Variants in RANBP2 observed in about 807,000 individuals in gnomAD.
RANBP2 encodes the protein E3 SUMO-protein ligase RanBP2.
Under a neutral mutation model 303.6 loss-of-function variants are expected in RANBP2, and 57 were observed. That is an observed-to-expected ratio of 0.19 (90% CI 0.15 to 0.23). RANBP2 has a LOEUF of 0.23. RANBP2 is among the 10% of genes least tolerant of loss of function. RANBP2 has a pLI of 1.00. For missense variants in RANBP2, 3,138 were observed against 3,780.8 expected (o/e 0.83, Z 4.46); for synonymous variants, 1,167 against 1,301.5 (o/e 0.90, Z 2.23).
the RANBP2 span, among the ~76,000 whole-genome samples, chr2:109,571,503 T>A: frequency 6.6e-6 from 1 of 152,206 alleles, no homozygotes; most frequent in Non-Finnish European, 1.5e-5. Flanking sequence ...TAAGTGTGTG[T>A]ATGTAGGCAA....
At chr2:109,584,751 G>A in the RANBP2 span, among the ~76,000 whole-genome samples, 1 of 152,106 alleles carries the variant, frequency 6.6e-6, no homozygotes, top group African/African-American at 2.4e-5. Flanking sequence ...CAAGCATCAT[G>A]TATTTGGCCA....
the RANBP2 span, among the ~76,000 whole-genome samples, chr2:109,388,922 A>G: frequency 6.6e-6 from 1 of 152,142 alleles, no homozygotes; most frequent in Non-Finnish European, 1.5e-5. Flanking sequence ...AGTGGTGAGG[A>G]GGTAGCAGGT....
chr2:109,600,312 C>G, the RANBP2 span, among the ~76,000 whole-genome samples: 1 of 152,074 alleles, frequency 6.6e-6, no homozygotes, highest in African/African-American at 2.4e-5. Context: ...GCAATACTAC[C>G]CCTGCCCCTC....
the RANBP2 span, among the ~76,000 whole-genome samples, chr2:109,419,122 G>C: frequency 2.6e-5 from 4 of 151,940 alleles, no homozygotes; most frequent in Admixed American, 6.6e-5. Context: ...TTTTCTTTAG[G>C]GATTAATCTC....
At chr2:109,513,810 G>A in the RANBP2 span, among the ~76,000 whole-genome samples, 1 of 152,148 alleles carries the variant, frequency 6.6e-6, no homozygotes, top group Non-Finnish European at 1.5e-5. Context: ...GGGGTGTAGG[G>A]GATTGGGTAT....
chr2:109,693,368 T>A, the RANBP2 span, among the ~76,000 whole-genome samples: 1 of 152,056 alleles, frequency 6.6e-6, no homozygotes, highest in East Asian at 1.9e-4. Flanking sequence ...GAGACGGGGT[T>A]TCACTGTGTG....
chr2:109,646,804 C>T, the RANBP2 span, among the ~76,000 whole-genome samples: 39 of 151,986 alleles, frequency 2.6e-4, no homozygotes, highest in African/African-American at 6.8e-4. Flanking sequence ...CTGCTCCCGG[C>T]CACAAATGGC....
At chr2:108,928,836 G>T in the RANBP2 span, among the ~76,000 whole-genome samples, 8 of 152,342 alleles carry the variant, frequency 5.3e-5, no homozygotes, top group East Asian at 1.2e-3. Context: ...GTGTTCCCAG[G>T]ATACTAAAAA....
the RANBP2 span, among the ~76,000 whole-genome samples, chr2:109,254,159 C>A: frequency 6.6e-6 from 1 of 152,122 alleles, no homozygotes; most frequent in African/African-American, 2.4e-5. Flanking sequence ...TAGAGGAAAA[C>A]ATGAAGAAAA....
the RANBP2 span, among the ~76,000 whole-genome samples, chr2:109,635,166 T>G: frequency 1.7e-4 from 26 of 152,122 alleles, no homozygotes; most frequent in African/African-American, 6.3e-4. Flanking sequence ...TTGGCATGTA[T>G]TATTTTGTTT....
the RANBP2 span, among the ~76,000 whole-genome samples, chr2:109,102,660 T>C: frequency 1.3e-5 from 2 of 152,070 alleles, no homozygotes; most frequent in African/African-American, 4.8e-5. Flanking sequence ...AAGCCTATCA[T>C]CTGTCAAAAC....
the RANBP2 span, among the ~76,000 whole-genome samples, chr2:109,466,242 C>T: frequency 6.6e-6 from 1 of 152,136 alleles, no homozygotes; most frequent in East Asian, 1.9e-4. Context: ...GCCACCACAC[C>T]CAGCTAATTT....
the RANBP2 span, among the ~76,000 whole-genome samples, chr2:109,463,431 C>G: frequency 4.6e-5 from 7 of 152,208 alleles, no homozygotes; most frequent in Non-Finnish European, 1.0e-4. Flanking sequence ...GGCCATAGTT[C>G]CCACTGTAAG....
intron 2 of RANBP2, among the ~76,000 whole-genome samples, chr2:108,729,629 T>C (rs1695008154): frequency 6.6e-6 from 1 of 152,138 alleles, no homozygotes. Flanking sequence ...TGTGATGCTC[T>C]AAGGCTCTAT....
At chr2:109,171,079 T>C in the RANBP2 span, among the ~76,000 whole-genome samples, 2 of 152,218 alleles carry the variant, frequency 1.3e-5, no homozygotes, top group Non-Finnish European at 2.9e-5. Flanking sequence ...ATCCTGGTTT[T>C]ATGTAGCTCA....
the RANBP2 span, among the ~76,000 whole-genome samples, chr2:109,427,336 G>A: frequency 9.4e-4 from 143 of 152,212 alleles, no homozygotes; most frequent in African/African-American, 3.2e-3. Flanking sequence ...TACTTAATAC[G>A]CTACTGTATA....
the RANBP2 span, among the ~76,000 whole-genome samples, chr2:109,053,655 C>T: frequency 0.012 from 1,757 of 152,300 alleles, 36 homozygotes; most frequent in African/African-American, 0.041. Flanking sequence ...AAACCTGCTT[C>T]ATGTCACTTG....
the RANBP2 span, among the ~76,000 whole-genome samples, chr2:109,097,090 G>A: frequency 6.6e-6 from 1 of 152,210 alleles, no homozygotes; most frequent in East Asian, 1.9e-4. Context: ...CGGATCATGA[G>A]GTCAAGAGAT....
the RANBP2 span, among the ~76,000 whole-genome samples, chr2:108,805,989 T>G: frequency 7.1e-6 from 1 of 140,664 alleles, no homozygotes; most frequent in South Asian, 2.4e-4. Context: ...GTATGGATTA[T>G]GTAACTTAAG....
Sources: gnomAD v4.1 joint callset for allele counts (sites outside exome capture counted in the v4.1 genomes callset) on GRCh38, gnomAD v4.1.1 for gene constraint, MANE v1.5 for transcripts, NCBI Gene and HGNC (gene_info 2026-07-23, HGNC 2026-07-21) for gene names.